Variants in CHD9 observed in about 807,000 individuals in gnomAD.
CHD9 encodes ATP-dependent chromatin remodeler CHD9.
In CHD9, 77 loss-of-function variants were observed where a neutral mutation model predicts 316.1. That is an observed-to-expected ratio of 0.24 (90% CI 0.20 to 0.29). CHD9 has a LOEUF of 0.29. CHD9 is among the 10% of genes least tolerant of loss of function. The probability of loss-of-function intolerance (pLI) is 1.00; values close to 1 mark genes in which losing one functional copy is unlikely to be tolerated. For missense variants in CHD9, 2,763 were observed against 3,438.1 expected (o/e 0.80, Z 4.91); for synonymous variants, 1,129 against 1,158.3 (o/e 0.97, Z 0.51).
chr16:53,147,783 G>T (rs138761874), intron 1 of CHD9, among the ~76,000 whole-genome samples: 119 of 152,292 alleles, frequency 7.8e-4, no homozygotes, highest in East Asian at 5.0e-3. Context: ...GAATAATGCT[G>T]CTATGAGTGT....
At chr16:53,061,879 C>T (rs1362351938) in intron 1 of CHD9, among the ~76,000 whole-genome samples, 3 of 152,214 alleles carry the variant, frequency 2.0e-5, no homozygotes, top group African/African-American at 7.2e-5. Context: ...ACTTTGCTTT[C>T]TAAGATGTGC....
chr16:53,097,573 C>T (rs574951502), intron 1 of CHD9, among the ~76,000 whole-genome samples: 1 of 152,174 alleles, frequency 6.6e-6, no homozygotes, highest in East Asian at 1.9e-4. Context: ...TCTGTTGTGT[C>T]TATTATTGAC....
rs1158324770 is a variant in CHD9 at position 53,156,332 on chromosome 16, T to A, written c.243T>A (p.His81Gln). The A allele has an allele frequency of 6.2e-7, 1 of 1,614,012 alleles. No individual in the cohort carries two copies. Among genetic ancestry groups the A allele is most frequent in the Admixed American group, 1.7e-5 (1 of 60,028 alleles). ...LNQFDSIKFH[H>Q]VNQSFGSPAE... ...AATTTGATTCAATAAAATTTCACCATGTTAATCAATCTTTTGGTAGCCCAG... is the reference window on the plus strand; with the variant it reads ...AATTTGATTCAATAAAATTTCACCAAGTTAATCAATCTTTTGGTAGCCCAG... Residue 81 changes from histidine (H) to glutamine (Q), a missense_variant, in exon 2 of 39, where the codon CAT (histidine) becomes CAA (glutamine). His to Gln is a conservative substitution (Grantham distance 24). Around this residue, in one of 15 missense-constraint regions of CHD9, gnomAD observed 859 missense variants for 890.4 expected, o/e 0.96. Transcript: ENST00000447540.
intron 30 of CHD9, 42 bp downstream of exon 30, chr16:53,297,200 C>A: frequency 6.9e-7 from 1 of 1,443,940 alleles, no homozygotes; most frequent in Non-Finnish European, 9.6e-7. Flanking sequence ...GTCAAAGAAG[C>A]AAAAATCACT....
intron 1 of CHD9, among the ~76,000 whole-genome samples, chr16:53,104,828 A>AAAAAG (rs1567331070): frequency 6.7e-6 from 1 of 150,124 alleles, no homozygotes. Context: ...AAAAAAAAAA[A>AAAAAG]GTTATAATGA....
At chr16:53,090,829 C>A (rs2035870336) in intron 1 of CHD9, among the ~76,000 whole-genome samples, 1 of 152,114 alleles carries the variant, frequency 6.6e-6, no homozygotes, top group African/African-American at 2.4e-5. Flanking sequence ...GCCACCCCAC[C>A]CCAACCCCCA....
At chr16:53,134,090 G>A (rs2039537940) in intron 1 of CHD9, among the ~76,000 whole-genome samples, 1 of 152,098 alleles carries the variant, frequency 6.6e-6, no homozygotes. Context: ...AAATCCTAGA[G>A]AGTCTATAAA....
chr16:53,188,350 A>T (rs1445061621), intron 2 of CHD9, among the ~76,000 whole-genome samples: 2 of 152,066 alleles, frequency 1.3e-5, no homozygotes, highest in Non-Finnish European at 2.9e-5. Context: ...GAATTGCTGG[A>T]TTATATAATT....
intron 24 of CHD9, among the ~76,000 whole-genome samples, chr16:53,283,967 T>C (rs1056913170): frequency 2.0e-5 from 3 of 152,196 alleles, no homozygotes; most frequent in Non-Finnish European, 4.4e-5. Context: ...TCCTTTTCAC[T>C]GCCATTGTCT....
At chr16:53,238,294 T>C (rs767010507) in intron 11 of CHD9, 49 bp from the exon 12 acceptor site, 22 of 1,468,488 alleles carry the variant, frequency 1.5e-5, no homozygotes, top group Non-Finnish European at 1.7e-5. Context: ...CTTTAAAGTA[T>C]AGAAAAAAAA....
At chr16:53,318,066 TA>T in intron 36 of CHD9, 145 bp from the exon 37 acceptor site, 1 of 597,020 alleles carries the variant, frequency 1.7e-6, no homozygotes, top group Non-Finnish European at 2.7e-6. Context: ...CAAAAAAAAA[TA>T]AAATAAAAAA....
intron 2 of CHD9, among the ~76,000 whole-genome samples, chr16:53,180,891 G>T (rs1334242684): frequency 6.6e-6 from 1 of 151,684 alleles, no homozygotes; most frequent in Non-Finnish European, 1.5e-5. Flanking sequence ...TAGCCAGGTT[G>T]GTCTCAATCT....
At chr16:53,096,863 A>G (rs2036419883) in intron 1 of CHD9, among the ~76,000 whole-genome samples, 1 of 152,066 alleles carries the variant, frequency 6.6e-6, no homozygotes. Context: ...TCGCATGGTG[A>G]GGGGGCTGAG....
intron 20 of CHD9, among the ~76,000 whole-genome samples, chr16:53,267,035 A>G (rs1369593186): frequency 6.6e-6 from 1 of 152,196 alleles, no homozygotes; most frequent in African/African-American, 2.4e-5. Context: ...TATGATTACA[A>G]TAATGTTATA....
chr16:53,176,493 G>A (rs1470239601), intron 2 of CHD9, among the ~76,000 whole-genome samples: 1 of 152,160 alleles, frequency 6.6e-6, no homozygotes, highest in Admixed American at 6.5e-5. Context: ...AGGATTAGGA[G>A]ATTGATACAT....
At chr16:53,186,867 T>C (rs998501390) in intron 2 of CHD9, among the ~76,000 whole-genome samples, 3 of 152,196 alleles carry the variant, frequency 2.0e-5, no homozygotes, top group Non-Finnish European at 4.4e-5. Flanking sequence ...TCCACCATGA[T>C]TGTAAGTTTC....
At chr16:53,062,362 C>CG (rs2033008253) in intron 1 of CHD9, among the ~76,000 whole-genome samples, 1 of 152,048 alleles carries the variant, frequency 6.6e-6, no homozygotes, top group Non-Finnish European at 1.5e-5. Flanking sequence ...AGTAATATAA[C>CG]GTTTCCCTTA....
intron 36 of CHD9, among the ~76,000 whole-genome samples, chr16:53,316,321 A>G (rs2056882212): frequency 6.6e-6 from 1 of 152,164 alleles, no homozygotes; most frequent in Non-Finnish European, 1.5e-5. Context: ...TTATTGAGGG[A>G]TTACTATGTA....
chr16:53,286,967 G>A (rs750256440), intron 26 of CHD9, among the ~76,000 whole-genome samples: 1 of 151,486 alleles, frequency 6.6e-6, no homozygotes, highest in Non-Finnish European at 1.5e-5. Flanking sequence ...TTTTTTTCCA[G>A]ATATTTTCTT....
Sources: allele counts gnomAD v4.1 joint callset (sites outside exome capture counted in the v4.1 genomes callset), GRCh38; gene constraint gnomAD v4.1.1; regional missense constraint gnomAD v4.1.1; transcripts MANE v1.5; gene names NCBI Gene and HGNC (gene_info 2026-07-23, HGNC 2026-07-21).